The following SHISA6 variants were observed in gnomAD, a reference collection of about 807,000 sequenced individuals.
SHISA6 encodes shisa family member 6.
Under a neutral mutation model 47.9 loss-of-function variants are expected in SHISA6, and 22 were observed. The ratio of observed to expected loss-of-function variants is 0.46; its 90% CI spans 0.33 to 0.66. The LOEUF (loss-of-function observed/expected upper bound fraction) is 0.66. Among genes scored for constraint, SHISA6 ranks in the 30% least tolerant of loss-of-function variants. The pLI is 0.02. For synonymous variants in SHISA6, 388 were observed against 337.8 expected, an observed-to-expected ratio of 1.15 and a Z score of -1.63; for missense variants, 680 against 764.6, an observed-to-expected ratio of 0.89 and a Z score of 1.30.
At position 11,263,445 on chromosome 17, in the gene SHISA6, A is replaced by G; in HGVS notation, c.718A>G (p.Thr240Ala). The change falls in exon 2 of 6, where the codon ACC (threonine) becomes GCC (alanine). Residue 240 changes from threonine (T) to alanine (A), a missense_variant. Transcript: ENST00000441885. Reference protein sequence around the residue: ...CERETISAIDTSPKENTPVRS... With the variant: ...CERETISAIDASPKENTPVRS... ...AAGAGAAACTATCTCGGCTATCGAT[A>G]CCTCTCCCAAAGAGAACACGCCGGT... The G allele has an allele frequency of 1.9e-6, 3 of 1,551,758 alleles. No homozygotes were observed. Among genetic ancestry groups the G allele is most frequent in the Middle Eastern group, 1.7e-4 (1 of 5,994 alleles).
chr17:11,556,484 C>G (rs533072951), intron 5 of SHISA6, among the ~76,000 whole-genome samples: 1 of 152,338 alleles, frequency 6.6e-6, no homozygotes, highest in Admixed American at 6.5e-5. Context: ...AAAAATTTCC[C>G]TAAAGGACAG....
In SHISA6 at chr17:11,241,701, G is replaced by C. The variant is rs1393172362; in HGVS notation, c.279G>C (p.Thr93=). ...AAASAAVTYE[T]CWGYYDVSGQ... is the part of the protein sequence containing the mutation. ...CCAGCGCGGCCGTCACCTACGAGAC[G>C]TGCTGGGGCTACTACGACGTGAGCG... Residue 93 remains threonine (T), a synonymous_variant, in exon 1 of 6, where the codon ACG becomes ACC. Coordinates refer to ENST00000441885, the MANE Select transcript of SHISA6 (RefSeq NM_207386.4). The surrounding 1 kb of genome is among the most constrained non-coding windows in gnomAD (Gnocchi z 5.5). 3 of 1,537,206 alleles carry C rather than the reference G, an allele frequency of 2.0e-6. No homozygotes were observed. The highest frequency in any genetic ancestry group is 1.4e-5 in the African/African-American group (1 of 73,004).
At chr17:11,412,265 A>G (rs1043191783) in intron 3 of SHISA6, among the ~76,000 whole-genome samples, 2 of 152,196 alleles carry the variant, frequency 1.3e-5, no homozygotes, top group African/African-American at 2.4e-5. Context: ...ATGGCAGTAT[A>G]GTGAAAGTGA....
intron 1 of SHISA6, among the ~76,000 whole-genome samples, chr17:11,244,553 T>C (rs1907501555): frequency 6.6e-6 from 1 of 152,076 alleles, no homozygotes; most frequent in Non-Finnish European, 1.5e-5. Flanking sequence ...TGCTCACACC[T>C]CAGAGACCAC....
At chr17:11,505,635 T>C (rs1458522515) in intron 3 of SHISA6, among the ~76,000 whole-genome samples, 1 of 152,214 alleles carries the variant, frequency 6.6e-6, no homozygotes, top group Non-Finnish European at 1.5e-5. Context: ...AGCAGTGGAA[T>C]GAACAAAGAC....
At chr17:11,288,020 C>T (rs1208736691) in intron 2 of SHISA6, among the ~76,000 whole-genome samples, 1 of 152,132 alleles carries the variant, frequency 6.6e-6, no homozygotes, top group Non-Finnish European at 1.5e-5. Flanking sequence ...ATAGCCCCAC[C>T]ATAACTCCCC....
At chr17:11,491,768 G>GTTTTTTTTTTTTTTTTTT (rs768280409) in intron 3 of SHISA6, among the ~76,000 whole-genome samples, 1 of 107,884 alleles carries the variant, frequency 9.3e-6, no homozygotes, top group Non-Finnish European at 2.0e-5. Flanking sequence ...AGCTGGTGAA[G>GTTTTTTTTTTTTTTTTTT]TGTTTTTTTT....
chr17:11,472,945 C>T (rs2142323419), intron 3 of SHISA6, among the ~76,000 whole-genome samples: 1 of 152,292 alleles, frequency 6.6e-6, no homozygotes, highest in Middle Eastern at 3.4e-3. Flanking sequence ...TATTTGCCAG[C>T]TATATATCTC....
Position 11,562,555 on chromosome 17 carries a change from A to C in SHISA6, c.*4251A>C, listed in dbSNP as rs557171714. ...CATGTCTTCCTGGGCTCTATATTTG[A>C]TTTTGGAAGGCAGCATACTCTAGGA... On this transcript the variant is annotated 3_prime_UTR_variant, in exon 6 of 6. Coordinates refer to ENST00000441885, the MANE Select transcript of SHISA6 (RefSeq NM_207386.4). 1.3e-5 allele frequency: 2 copies of C among 152,146 alleles called. No individual in the cohort carries two copies. Among genetic ancestry groups the C allele is most frequent in the African/African-American group, 4.8e-5 (2 of 41,506 alleles). The allele number at this position is 152,146 out of a possible 1,614,324, so 9.4% of individuals were successfully genotyped here.
At chr17:11,364,228 AAAG>A (rs1385709500) in intron 2 of SHISA6, among the ~76,000 whole-genome samples, 1 of 152,192 alleles carries the variant, frequency 6.6e-6, no homozygotes, top group African/African-American at 2.4e-5. Flanking sequence ...GAAAAAAAAT[AAAG>A]AACGTTTCCA....
intron 3 of SHISA6, among the ~76,000 whole-genome samples, chr17:11,459,964 C>T (rs1166729009): frequency 1.3e-5 from 2 of 152,210 alleles, no homozygotes; most frequent in African/African-American, 4.8e-5. Flanking sequence ...TCAAGAGGGA[C>T]CGTCGACAGC....
At chr17:11,470,671 T>C (rs1915914215) in intron 3 of SHISA6, among the ~76,000 whole-genome samples, 1 of 151,158 alleles carries the variant, frequency 6.6e-6, no homozygotes, top group South Asian at 2.1e-4. Flanking sequence ...GAGACAGTAA[T>C]TCAATTCAGT....
chr17:11,293,162 G>C (rs9303035), intron 2 of SHISA6, among the ~76,000 whole-genome samples: 35,958 of 151,956 alleles, frequency 0.24, 4,389 homozygotes, highest in Middle Eastern at 0.28. Flanking sequence ...TCCAGTTGCT[G>C]TATGGATTGA....
At chr17:11,334,022 G>C (rs1407706797) in intron 2 of SHISA6, among the ~76,000 whole-genome samples, 1 of 152,126 alleles carries the variant, frequency 6.6e-6, no homozygotes, top group East Asian at 1.9e-4. Flanking sequence ...GCTGTTCCTG[G>C]GTTTTCTCCT....
At position 11,282,026 on chromosome 17, in the gene SHISA6, C is replaced by T. The variant is rs115515945; in HGVS notation, c.799+18500C>T. Among the ~76,000 whole-genome samples the T allele has an allele frequency of 7.2e-3, 1,102 of 152,206 alleles. 9 individuals carry two copies. Among genetic ancestry groups the T allele is most frequent in the African/African-American group, 0.025 (1,043 of 41,524 alleles). Reference sequence around the variant, plus strand: ...AGAGCAATTTCAATCTTTGCTTGGTCTCTTGGAAGAAAATCCAAAGGGATC... The same window carrying T: ...AGAGCAATTTCAATCTTTGCTTGGTTTCTTGGAAGAAAATCCAAAGGGATC... On this transcript the variant is annotated intron_variant, in intron 2 of 5. Transcript: ENST00000441885.
intron 2 of SHISA6, among the ~76,000 whole-genome samples, chr17:11,329,738 G>A (rs1045660616): frequency 1.3e-5 from 2 of 152,076 alleles, no homozygotes; most frequent in Non-Finnish European, 2.9e-5. Flanking sequence ...TCCCAGCAAG[G>A]TCCAGCAGAA....
rs558730721 is a variant in SHISA6 at position 11,493,571 on chromosome 17, G to A, written c.896-58325G>A. On this transcript the variant is annotated intron_variant, in intron 3 of 5. Coordinates refer to ENST00000441885, the MANE Select transcript of SHISA6 (RefSeq NM_207386.4). Reference sequence around the variant, plus strand: ...GTTTTTTGGTACCATGTGGATACACGCGTGCGCGCGCACACACACACACAC... The same window carrying A: ...GTTTTTTGGTACCATGTGGATACACACGTGCGCGCGCACACACACACACAC... Among the ~76,000 whole-genome samples the A allele has an allele frequency of 6.0e-3, 648 of 108,544 alleles. 2 individuals are homozygous for A. The highest frequency in any genetic ancestry group is 0.011 in the Non-Finnish European group (486 of 45,164). 71.2% of individuals were successfully genotyped at this position (108,544 alleles called of 152,430 possible). A position where few individuals can be genotyped will look rare whatever the true frequency, so the allele number is the denominator to read the frequency against.
intron 3 of SHISA6, among the ~76,000 whole-genome samples, chr17:11,453,956 A>G (rs1001850320): frequency 6.6e-6 from 1 of 152,184 alleles, no homozygotes; most frequent in Non-Finnish European, 1.5e-5. Flanking sequence ...TTAGGGTACA[A>G]GCTTTTGTTT....
At chr17:11,288,727 A>G (rs1038556837) in intron 2 of SHISA6, 1 of 151,980 alleles carries the variant, frequency 6.6e-6, no homozygotes, top group African/African-American at 2.4e-5. Flanking sequence ...ACTAGTTTCC[A>G]TTTTCTTCCA....
Sources: allele counts gnomAD v4.1 joint callset (sites outside exome capture counted in the v4.1 genomes callset), GRCh38; gene constraint gnomAD v4.1.1; non-coding constraint Gnocchi (gnomAD v3.1); transcripts MANE v1.5; gene names NCBI Gene and HGNC (gene_info 2026-07-23, HGNC 2026-07-21).